Variants in ANK2 observed in about 807,000 individuals in gnomAD.
ANK2 encodes the protein ankyrin 2, also known as ankyrin-2.
ANK2 carries 83 observed loss-of-function variants against 360.5 expected under a neutral mutation model. The ratio of observed to expected loss-of-function variants is 0.23; its 90% CI spans 0.19 to 0.28. ANK2 has a LOEUF of 0.28. ANK2 is among the 10% of genes least tolerant of loss of function. The pLI is 1.00. For synonymous variants in ANK2, 1,740 were observed against 1,759.5 expected, an observed-to-expected ratio of 0.99 and a Z score of 0.28; for missense variants, 4,201 against 4,795.7, an observed-to-expected ratio of 0.88 and a Z score of 3.66.
Position 113,357,234 on chromosome 4 carries a change from A to G in ANK2, c.8616A>G (p.Gln2872=), listed in dbSNP as rs761779555. 6.2e-7 allele frequency: 1 copy of G among 1,614,074 alleles called. No homozygotes were observed. Among genetic ancestry groups the G allele is most frequent in the South Asian group, 1.1e-5 (1 of 91,080 alleles). The part of the protein sequence containing the change: ...DEDISATSSI[Q]KTEVTKTDET... ...ACATATCTGCCACATCTTCTATTCA[A>G]AAAACAGAGGTCACAAAAACTGATG... The change falls in exon 38 of 46, where the codon CAA becomes CAG. Residue 2872 remains glutamine (Q), a synonymous_variant. Coordinates refer to ENST00000357077, the MANE Select transcript of ANK2 (RefSeq NM_001148.6).
At chr4:112,783,522 A>G in the ANK2 span, among the ~76,000 whole-genome samples, 1 of 152,116 alleles carries the variant, frequency 6.6e-6, no homozygotes, top group Admixed American at 6.5e-5. Flanking sequence ...AACAATAAAT[A>G]TAATTGTTCC....
At chr4:112,778,153 A>G in the ANK2 span, among the ~76,000 whole-genome samples, 2 of 149,950 alleles carry the variant, frequency 1.3e-5, no homozygotes, top group South Asian at 4.3e-4. Flanking sequence ...TATTTTTAGT[A>G]GAGACGGGGT....
At chr4:113,315,734 T>TA (rs1349471243) in intron 24 of ANK2, among the ~76,000 whole-genome samples, 1 of 150,914 alleles carries the variant, frequency 6.6e-6, no homozygotes, top group Non-Finnish European at 1.5e-5. Context: ...CTGTCTCTAC[T>TA]AAAAATACAA....
chr4:112,953,942 C>T (rs2095192485), intron 2 of ANK2, among the ~76,000 whole-genome samples: 1 of 151,214 alleles, frequency 6.6e-6, no homozygotes, highest in South Asian at 2.1e-4. Flanking sequence ...TCTCTGTCTC[C>T]CCCCGCCCCC....
chr4:113,171,949 G>C (rs969040865), intron 1 of ANK2, among the ~76,000 whole-genome samples: 1 of 152,112 alleles, frequency 6.6e-6, no homozygotes, highest in Non-Finnish European at 1.5e-5. Context: ...TTGGTGTCAG[G>C]CTCTTCTTCT....
At chr4:113,313,129 C>T (rs2080969752) in intron 24 of ANK2, among the ~76,000 whole-genome samples, 1 of 152,080 alleles carries the variant, frequency 6.6e-6, no homozygotes, top group Admixed American at 6.5e-5. Context: ...AGGAGGAGCC[C>T]CTCTGGAGTT....
At chr4:112,901,308 A>G (rs2083280862) in intron 1 of ANK2, among the ~76,000 whole-genome samples, 2 of 152,316 alleles carry the variant, frequency 1.3e-5, no homozygotes, top group East Asian at 1.9e-4. Context: ...AAATGCAAGC[A>G]TACGTTCCAG....
At chr4:113,184,935 A>G (rs1425792725) in intron 2 of ANK2, among the ~76,000 whole-genome samples, 1 of 151,744 alleles carries the variant, frequency 6.6e-6, no homozygotes, top group Non-Finnish European at 1.5e-5. Flanking sequence ...TTCAGCTCCC[A>G]CTTATGAGTG....
intron 22 of ANK2, among the ~76,000 whole-genome samples, chr4:113,298,021 C>A (rs1049447623): frequency 6.6e-6 from 1 of 152,044 alleles, no homozygotes; most frequent in African/African-American, 2.4e-5. Flanking sequence ...ATCCACCTGC[C>A]TTGGCCTCCC....
the ANK2 span, among the ~76,000 whole-genome samples, chr4:112,756,798 C>T: frequency 6.6e-6 from 1 of 152,074 alleles, no homozygotes; most frequent in South Asian, 2.1e-4. Context: ...CATAGTACAA[C>T]CCCATCTCTA....
intron 1 of ANK2, among the ~76,000 whole-genome samples, chr4:112,834,003 A>G (rs913735597): frequency 6.6e-6 from 1 of 152,240 alleles, no homozygotes; most frequent in Admixed American, 6.5e-5. Flanking sequence ...AAATTGTAAC[A>G]TACTACATAT....
intron 1 of ANK2, among the ~76,000 whole-genome samples, chr4:113,077,591 A>G (rs1218045201): frequency 1.3e-5 from 2 of 152,242 alleles, no homozygotes; most frequent in East Asian, 1.9e-4. Context: ...AACTACAGAA[A>G]GAAGTTAGAT....
At chr4:112,998,631 G>C (rs909615620) in intron 2 of ANK2, among the ~76,000 whole-genome samples, 1 of 152,128 alleles carries the variant, frequency 6.6e-6, no homozygotes, top group Non-Finnish European at 1.5e-5. Context: ...GATATTAATA[G>C]GTGGTTGGTT....
chr4:113,285,246 G>A (rs931828478), intron 18 of ANK2, among the ~76,000 whole-genome samples: 3 of 151,858 alleles, frequency 2.0e-5, no homozygotes, highest in African/African-American at 7.3e-5. Context: ...CAAATGCGGA[G>A]AGGTTTTCCC....
At chr4:112,957,647 A>AC (rs1428226726) in intron 2 of ANK2, among the ~76,000 whole-genome samples, 15 of 125,562 alleles carry the variant, frequency 1.2e-4, no homozygotes, top group Middle Eastern at 0.011. Context: ...CGGGGGGCTG[A>AC]CCCCCCCACC....
chr4:113,215,299 T>C (rs931857273), intron 4 of ANK2, among the ~76,000 whole-genome samples: 1 of 152,144 alleles, frequency 6.6e-6, no homozygotes, highest in African/African-American at 2.4e-5. Flanking sequence ...TCCCCATCTG[T>C]AAAGAAGGGA....
chr4:113,252,283 G>A (rs2046883204), intron 10 of ANK2, among the ~76,000 whole-genome samples: 1 of 152,128 alleles, frequency 6.6e-6, no homozygotes, highest in African/African-American at 2.4e-5. Context: ...CTCCCACTGG[G>A]TCCCTCTCGC....
At chr4:113,017,396 G>T (rs2056920377) in intron 2 of ANK2, among the ~76,000 whole-genome samples, 1 of 151,516 alleles carries the variant, frequency 6.6e-6, no homozygotes, top group Admixed American at 6.6e-5. Flanking sequence ...AGCCCAGACT[G>T]CTCCATGCAT....
chr4:113,049,683 C>A lies in ANK2; in HGVS notation c.-46C>A. On this transcript the variant is annotated 5_prime_UTR_variant, in exon 1 of 46. Transcript: ENST00000357077. ...CATACCCGCTAGTGGTCTGTACAGG[C>A]GGCACGGTTTGATGGCAGAGATATT... 6.4e-7 allele frequency: 1 copy of A among 1,570,652 alleles called. No individual in the cohort carries two copies. The highest frequency in any genetic ancestry group is 8.7e-7 in the Non-Finnish European group (1 of 1,154,194).
Sources: allele counts gnomAD v4.1 joint callset (sites outside exome capture counted in the v4.1 genomes callset), GRCh38; gene constraint gnomAD v4.1.1; transcripts MANE v1.5; gene names NCBI Gene and HGNC (gene_info 2026-07-23, HGNC 2026-07-21).